FAM53B: variants seen among roughly 807,000 people sequenced by gnomAD.
The protein encoded by FAM53B is protein FAM53B.
Under a neutral mutation model 32.7 loss-of-function variants are expected in FAM53B, and 12 were observed. The ratio of observed to expected loss-of-function variants is 0.37; its 90% CI spans 0.24 to 0.59. The LOEUF is 0.59. Among genes scored for constraint, FAM53B ranks in the 20% least tolerant of loss-of-function variants. FAM53B has a pLI of 0.72. For missense variants in FAM53B, 477 were observed against 577.7 expected (o/e 0.83, Z 1.79); for synonymous variants, 234 against 228.7 (o/e 1.02, Z -0.21).
In FAM53B at chr10:124,696,167, C is replaced by CGGAA; in HGVS notation, c.123_124insTTCC (p.Gly42PhefsTer7). The CGGAA allele has an allele frequency of 6.2e-7, 1 of 1,614,022 alleles. No individual in the cohort carries two copies. Among genetic ancestry groups the CGGAA allele is most frequent in the Non-Finnish European group, 8.5e-7 (1 of 1,179,920 alleles). ...GGCCTTGAGTACTTACCCATAATTC[C>CGGAA]ACAAGAGAAAAGTGTAGGTCCTTGA... On this transcript the variant is annotated frameshift_variant, in exon 3 of 5. Transcript: ENST00000337318. LOFTEE classifies it high-confidence loss of function.
chr10:124,741,555 T>G (rs1950199690), intron 1 of FAM53B, among the ~76,000 whole-genome samples: 1 of 152,112 alleles, frequency 6.6e-6, no homozygotes, highest in African/African-American at 2.4e-5. Flanking sequence ...CTTCCTGAGC[T>G]TCAATCAAGG....
intron 4 of FAM53B, among the ~76,000 whole-genome samples, chr10:124,633,789 C>T (rs1328622085): frequency 2.6e-5 from 4 of 152,044 alleles, no homozygotes; most frequent in Admixed American, 2.6e-4. Context: ...ATAAACTCAA[C>T]ACAGACCAAA....
Position 124,681,994 on chromosome 10 carries a change from C to T in FAM53B, c.519G>A (p.Arg173=). The change falls in exon 4 of 5, where the codon CGG becomes CGA. Residue 173 remains arginine, a synonymous_variant. Transcript: ENST00000337318. ...CGCAGGGTGAGGAGAGCACGTTGGC[C>T]CGGGAAGGGAGGCTGAAGCTGGAAC... The part of the protein sequence containing the change: ...QRSSSFSLPS[R]ANVLSSPCDQ... 6.2e-7 allele frequency: 1 copy of T among 1,613,982 alleles called. No homozygotes were observed. Among genetic ancestry groups the T allele is most frequent in the South Asian group, 1.1e-5 (1 of 91,080 alleles).
rs1049237134 is a variant in FAM53B, at chr10:124,651,710, G to A, written c.907-28106C>T. Reference sequence around the variant, plus strand: ...ACCCTGGGGCCTGCCTGCTCTGGAGGGTCAAGGTCAGCAGAGCCCCACAGA... The same window carrying A: ...ACCCTGGGGCCTGCCTGCTCTGGAGAGTCAAGGTCAGCAGAGCCCCACAGA... On this transcript the variant is annotated intron_variant, in intron 4 of 4. Coordinates refer to ENST00000337318, the MANE Select transcript of FAM53B (RefSeq NM_014661.4). This position sits in a 1 kb window ranked among gnomAD's most constrained non-coding sequence, Gnocchi z 5.2. 6.6e-6 allele frequency among the ~76,000 whole-genome samples: 1 copy of A among 152,158 alleles called. No homozygotes were observed. The highest frequency in any genetic ancestry group is 1.5e-5 in the Non-Finnish European group (1 of 68,034).
chr10:124,729,969 G>A (rs1950130364), intron 1 of FAM53B, among the ~76,000 whole-genome samples: 2 of 152,190 alleles, frequency 1.3e-5, no homozygotes, highest in Admixed American at 1.3e-4. Context: ...AAGAGCTACA[G>A]TTCAGCCCAA....
chr10:124,655,381 T>C (rs1413647114), intron 4 of FAM53B, among the ~76,000 whole-genome samples: 1 of 152,078 alleles, frequency 6.6e-6, no homozygotes, highest in Non-Finnish European at 1.5e-5. Flanking sequence ...CACACCCTCC[T>C]GGGTGTCAAC....
At chr10:124,633,982 A>T (rs1341749737) in intron 4 of FAM53B, among the ~76,000 whole-genome samples, 2 of 152,272 alleles carry the variant, frequency 1.3e-5, no homozygotes, top group Non-Finnish European at 1.5e-5. Context: ...GTAAGATGGT[A>T]CAGTCGTTGC....
chr10:124,727,051 C>T (rs1185879495), intron 1 of FAM53B, among the ~76,000 whole-genome samples: 5 of 152,192 alleles, frequency 3.3e-5, no homozygotes, highest in Non-Finnish European at 5.9e-5. Context: ...CAGGGTCTCA[C>T]TCTGTCACCC....
At chr10:124,732,994 G>A (rs753024508) in intron 1 of FAM53B, among the ~76,000 whole-genome samples, 13 of 152,238 alleles carry the variant, frequency 8.5e-5, no homozygotes, top group Non-Finnish European at 1.8e-4. Context: ...TGGCCTATGC[G>A]GACGCAGCCA....
At chr10:124,625,573 C>T (rs1401046664) in intron 4 of FAM53B, among the ~76,000 whole-genome samples, 1 of 152,198 alleles carries the variant, frequency 6.6e-6, no homozygotes, top group East Asian at 1.9e-4. Context: ...GGATCGGCAA[C>T]CAGGATCCTC....
chr10:124,734,072 T>C (rs1950161160), intron 1 of FAM53B, among the ~76,000 whole-genome samples: 1 of 152,240 alleles, frequency 6.6e-6, no homozygotes, highest in Non-Finnish European at 1.5e-5. Flanking sequence ...AAGCCTTCCC[T>C]GCCCTCCTCT....
intron 3 of FAM53B, among the ~76,000 whole-genome samples, chr10:124,683,641 AG>A (rs1204748963): frequency 6.6e-6 from 1 of 152,186 alleles, no homozygotes; most frequent in African/African-American, 2.4e-5. Flanking sequence ...AAGGCCACAC[AG>A]CTAACACCAG....
intron 4 of FAM53B, among the ~76,000 whole-genome samples, chr10:124,629,290 C>T (rs760358699): frequency 1.3e-5 from 2 of 152,334 alleles, no homozygotes; most frequent in East Asian, 1.9e-4. Context: ...GCGCCAAGTC[C>T]GTCTCCCAGA....
Position 124,623,093 on chromosome 10 carries a change from G to GC in FAM53B, c.*148dup. ...GCCAGGCCAGGCTCTCCCCCAGGCA[G>GC]CAGGTGGGCTCCCTCTCTGGGACCC... On this transcript the variant is annotated 3_prime_UTR_variant, in exon 5 of 5. Transcript: ENST00000337318. 1 of 1,038,990 alleles carries GC rather than the reference G, an allele frequency of 9.6e-7. No individual in the cohort carries two copies. The highest frequency in any genetic ancestry group is 1.6e-5 in the South Asian group (1 of 62,286). The allele number at this position is 1,038,990 out of a possible 1,614,324, so 64.4% of individuals were successfully genotyped here.
At chr10:124,633,979 G>A (rs909423296) in intron 4 of FAM53B, among the ~76,000 whole-genome samples, 2 of 152,188 alleles carry the variant, frequency 1.3e-5, no homozygotes, top group Admixed American at 6.5e-5. Flanking sequence ...AATGTAAGAT[G>A]GTACAGTCGT....
At chr10:124,681,239 A>T (rs962677121) in intron 4 of FAM53B, among the ~76,000 whole-genome samples, 1 of 152,154 alleles carries the variant, frequency 6.6e-6, no homozygotes, top group East Asian at 1.9e-4. Context: ...GTGTGTGTGT[A>T]TATCTCTTGC....
At chr10:124,672,167 A>G (rs1332559010) in intron 4 of FAM53B, among the ~76,000 whole-genome samples, 1 of 152,278 alleles carries the variant, frequency 6.6e-6, no homozygotes, top group East Asian at 1.9e-4. Flanking sequence ...TGGACCCACA[A>G]AGGGCAGCAG....
At position 124,706,769 on chromosome 10, in the gene FAM53B, T is replaced by C. The variant is rs1949962177; in HGVS notation, c.-56A>G. 6.2e-7 allele frequency: 1 copy of C among 1,612,492 alleles called. No individual in the cohort carries two copies. ...CAGGGTGGGTATCAGCCATCTTCAC[T>C]TGGGCAGACTTGGGGTGAGTACCTC... On this transcript the variant is annotated 5_prime_UTR_variant, in exon 2 of 5. Transcript: ENST00000337318.
rs143127245 is a variant in FAM53B, at chr10:124,698,736, C to G, written c.79-2524G>C. On this transcript the variant is annotated intron_variant, in intron 2 of 4. Transcript: ENST00000337318. ...AGCCCCAGTGAACGCCCCTCCTAAC[C>G]GCTCTTACAGCCTGTACCCTCGGCC... is the stretch of plus-strand genomic sequence containing the variant. 3.0e-4 allele frequency among the ~76,000 whole-genome samples: 45 copies of G among 152,210 alleles called. No individual in the cohort carries two copies. In the East Asian group the frequency reaches 7.0e-3, roughly 24 times the overall value.
Sources: gnomAD v4.1 joint callset for allele counts (sites outside exome capture counted in the v4.1 genomes callset) on GRCh38, gnomAD v4.1.1 for gene constraint, Gnocchi (gnomAD v3.1) non-coding constraint, MANE v1.5 for transcripts, NCBI Gene and HGNC (gene_info 2026-07-23, HGNC 2026-07-21) for gene names.